Variants in ARHGAP44 observed in about 807,000 individuals in gnomAD.
The protein encoded by ARHGAP44 is Rho GTPase activating protein 44, also known as rho GTPase-activating protein 44.
Under a neutral mutation model 106.8 loss-of-function variants are expected in ARHGAP44, and 43 were observed. The ratio of observed to expected loss-of-function variants is 0.40; its 90% CI spans 0.32 to 0.52. ARHGAP44 has a LOEUF of 0.52. Among genes scored for constraint, ARHGAP44 ranks in the 20% least tolerant of loss-of-function variants. The pLI, the probability that ARHGAP44 is intolerant of heterozygous loss-of-function variation, is 0.48. For synonymous variants in ARHGAP44, 439 were observed against 410.3 expected (o/e 1.07, Z -0.85); for missense variants, 866 against 1,050.5 (o/e 0.82, Z 2.43).
Position 12,974,083 on chromosome 17 carries a change from C to G in ARHGAP44, c.1542-6C>G. The stretch of plus-strand genomic sequence containing the variant: ...GGGTAAGCGGTGTCTTTGTGTCCCT[C>G]GCCAGCATGGGTGTGAGGGTCATGG... On this transcript the variant is annotated splice_region_variant and splice_polypyrimidine_tract_variant and intron_variant, in intron 17 of 20. Coordinates refer to ENST00000379672, the MANE Select transcript of ARHGAP44 (RefSeq NM_014859.6). 6.4e-7 allele frequency: 1 copy of G among 1,559,108 alleles called. No individual in the cohort carries two copies. The highest frequency in any genetic ancestry group is 8.7e-7 in the Non-Finnish European group (1 of 1,151,302).
In ARHGAP44 at chr17:12,804,476, A is replaced by G. The variant is rs555377579; in HGVS notation, c.53+14585A>G. ...GAAGGGATGGGTACCTGGGCAAATC[A>G]GAGTTTTCATGGGAAGGAAGGAGGA... is the stretch of plus-strand genomic sequence containing the variant. On this transcript the variant is annotated intron_variant, in intron 1 of 20. Transcript: ENST00000379672. Among the ~76,000 whole-genome samples the G allele has an allele frequency of 1.2e-4, 18 of 152,322 alleles. No individual in the cohort carries two copies. In the South Asian group the frequency reaches 3.7e-3, roughly 32 times the overall value.
At chr17:12,920,375 C>CAAAAA (rs11408733) in intron 6 of ARHGAP44, among the ~76,000 whole-genome samples, 2 of 89,184 alleles carry the variant, frequency 2.2e-5, no homozygotes, top group African/African-American at 5.6e-5. Context: ...GACTCCATCT[C>CAAAAA]AAAAAAAAAA....
At chr17:12,840,987 A>G (rs991383667) in intron 1 of ARHGAP44, among the ~76,000 whole-genome samples, 1 of 151,884 alleles carries the variant, frequency 6.6e-6, no homozygotes, top group Admixed American at 6.6e-5. Flanking sequence ...GTACCCTCAT[A>G]GTGTGTGTGT....
At chr17:12,966,148 G>A (rs1182266977) in intron 16 of ARHGAP44, among the ~76,000 whole-genome samples, 3 of 132,780 alleles carry the variant, frequency 2.3e-5, no homozygotes, top group Admixed American at 1.5e-4. Flanking sequence ...ATAGTGACAC[G>A]CTGTCTCAAA....
Position 12,949,209 on chromosome 17 carries a change from G to A in ARHGAP44, c.931G>A (p.Val311Met). 1.3e-6 allele frequency: 2 copies of A among 1,580,114 alleles called. No homozygotes were observed. Among genetic ancestry groups the A allele is most frequent in the Non-Finnish European group, 1.7e-6 (2 of 1,163,126 alleles). Reference protein sequence around the residue: ...KLKAALDCCVVDVQEYSADPH... With the variant: ...KLKAALDCCVMDVQEYSADPH... Reference sequence around the variant, plus strand: ...GAAAGCGGCCCTGGACTGCTGCGTGGTGGATGTGCAGGAGTACTCGGCAGA... The same window carrying A: ...GAAAGCGGCCCTGGACTGCTGCGTGATGGATGTGCAGGAGTACTCGGCAGA... Residue 311 changes from valine to methionine, a missense_variant, in exon 11 of 21, where the codon GTG (valine) becomes ATG (methionine). Val to Met is a conservative substitution (Grantham distance 21, BLOSUM62 1). Around this residue, in one of 2 missense-constraint regions of ARHGAP44, gnomAD observed 448 missense variants for 646.9 expected, o/e 0.69. Transcript: ENST00000379672. The surrounding 1 kb of genome is among the most constrained non-coding windows in gnomAD (Gnocchi z 4.1).
chr17:12,858,986 G>GC (rs964249639), intron 1 of ARHGAP44, among the ~76,000 whole-genome samples: 4 of 152,044 alleles, frequency 2.6e-5, no homozygotes, highest in Non-Finnish European at 4.4e-5. Context: ...AGGGAAAACT[G>GC]CCCCCCATGA....
chr17:12,878,321 G>A (rs1027968644), intron 1 of ARHGAP44, among the ~76,000 whole-genome samples: 1 of 152,042 alleles, frequency 6.6e-6, no homozygotes, highest in African/African-American at 2.4e-5. Context: ...TATAACACTG[G>A]TGGCAATCAA....
intron 1 of ARHGAP44, among the ~76,000 whole-genome samples, chr17:12,856,500 C>T (rs1165061425): frequency 1.3e-5 from 2 of 152,080 alleles, no homozygotes; most frequent in Admixed American, 1.3e-4. Flanking sequence ...GGAAGTTGGC[C>T]CTAGGCAATT....
chr17:12,974,596 C>A (rs1284254223), intron 18 of ARHGAP44, among the ~76,000 whole-genome samples: 6 of 152,236 alleles, frequency 3.9e-5, no homozygotes. Flanking sequence ...ACTCTGTTTT[C>A]CCCTTCCTCT....
At chr17:12,917,630 C>T (rs1200084273) in intron 5 of ARHGAP44, among the ~76,000 whole-genome samples, 1 of 152,156 alleles carries the variant, frequency 6.6e-6, no homozygotes, top group Admixed American at 6.5e-5. Flanking sequence ...CAGCTACACC[C>T]GGAAAAATAC....
At chr17:12,840,040 G>A (rs888080630) in intron 1 of ARHGAP44, among the ~76,000 whole-genome samples, 9 of 152,114 alleles carry the variant, frequency 5.9e-5, no homozygotes, top group African/African-American at 2.2e-4. Context: ...TGAAACACCA[G>A]TGTACATTTT....
At chr17:12,890,536 C>T (rs1342055496) in intron 1 of ARHGAP44, among the ~76,000 whole-genome samples, 1 of 152,170 alleles carries the variant, frequency 6.6e-6, no homozygotes, top group Non-Finnish European at 1.5e-5. Context: ...GCATCTTGGG[C>T]TAGTCTGATG....
chr17:12,868,589 TTTTATATATATA>T (rs1181033639), intron 1 of ARHGAP44, among the ~76,000 whole-genome samples: 11,845 of 104,848 alleles, frequency 0.11, 818 homozygotes, highest in East Asian at 0.13. Flanking sequence ...TATATATGCA[TTTTATATATATA>T]TATATATATA....
Position 12,935,227 on chromosome 17 carries a change from C to T in ARHGAP44, c.583-5829C>T, listed in dbSNP as rs575272277. ...AGAGAACACTTTAAAAAAATATTTA[C>T]TTATGATAACAATAAATTTCAGACA... On this transcript the variant is annotated intron_variant, in intron 7 of 20. Coordinates refer to ENST00000379672, the MANE Select transcript of ARHGAP44 (RefSeq NM_014859.6). 8.3e-4 allele frequency among the ~76,000 whole-genome samples: 127 copies of T among 152,236 alleles called. 1 individual carries two copies. The highest frequency in any genetic ancestry group is 3.0e-3 in the African/African-American group (124 of 41,528).
intron 4 of ARHGAP44, among the ~76,000 whole-genome samples, chr17:12,914,016 A>T (rs1026592962): frequency 6.6e-6 from 1 of 151,942 alleles, no homozygotes; most frequent in African/African-American, 2.4e-5. Flanking sequence ...ATACAAAGAT[A>T]AAAGCACACC....
chr17:12,970,573 G>C (rs551039248), intron 16 of ARHGAP44, among the ~76,000 whole-genome samples: 34 of 152,226 alleles, frequency 2.2e-4, no homozygotes, highest in African/African-American at 7.7e-4. Context: ...GGATCTAAAA[G>C]CCAAATTGTT....
In ARHGAP44 at chr17:12,987,162, C is replaced by A; in HGVS notation, c.2317+2254C>A. The A allele has an allele frequency of 1.3e-6, 2 of 1,531,468 alleles. 1 individual carries two copies. Among genetic ancestry groups the A allele is most frequent in the South Asian group, 2.4e-5 (2 of 83,568 alleles). 94.9% of individuals were successfully genotyped at this position (1,531,468 alleles called of 1,614,324 possible). A position where few individuals can be genotyped will look rare whatever the true frequency, so the allele number is the denominator to read the frequency against. ...GAGGGGGATTTTCAGGGTAAGCTGG[C>A]CCCGGCCTCGCCCCTCCACCCCGCT... On this transcript the variant is annotated intron_variant, in intron 20 of 20. Transcript: ENST00000379672.
intron 8 of ARHGAP44, 27 bp from the exon 9 acceptor site, chr17:12,943,561 G>C (rs775086625): frequency 1.7e-5 from 28 of 1,611,334 alleles, no homozygotes; most frequent in Non-Finnish European, 2.4e-5. Flanking sequence ...CCTCACTAAG[G>C]GTGATGCTTG....
intron 3 of ARHGAP44, among the ~76,000 whole-genome samples, chr17:12,902,052 A>G (rs1368155939): frequency 2.6e-5 from 4 of 152,084 alleles, no homozygotes; most frequent in East Asian, 3.9e-4. Flanking sequence ...GCAGGAGCCA[A>G]TGTTTAAATT....
Sources: gnomAD v4.1 joint callset for allele counts (sites outside exome capture counted in the v4.1 genomes callset) on GRCh38, gnomAD v4.1.1 for gene constraint, gnomAD v4.1.1 regional missense constraint, Gnocchi (gnomAD v3.1) non-coding constraint, MANE v1.5 for transcripts, NCBI Gene and HGNC (gene_info 2026-07-23, HGNC 2026-07-21) for gene names.